MALRD1: variants seen among roughly 807,000 people sequenced by gnomAD.
The protein encoded by MALRD1 is MAM and LDL receptor class A domain containing 1, also known as MAM and LDL-receptor class A domain-containing protein 1.
In MALRD1, 247 loss-of-function variants were observed where a neutral mutation model predicts 242.1. That is an observed-to-expected ratio of 1.02 (90% CI 0.92 to 1.13). MALRD1 has a LOEUF of 1.13. MALRD1 is among the 50% of genes most tolerant of loss of function. MALRD1 has a pLI of 0.00. For missense variants in MALRD1, 2,989 were observed against 2,533.1 expected, an observed-to-expected ratio of 1.18 and a Z score of -3.86; for synonymous variants, 995 against 866.6, an observed-to-expected ratio of 1.15 and a Z score of -2.60.
At chr10:19,170,022 A>G (rs7920021) in intron 13 of MALRD1, among the ~76,000 whole-genome samples, 1 of 152,190 alleles carries the variant, frequency 6.6e-6, no homozygotes, top group Non-Finnish European at 1.5e-5. Flanking sequence ...ATTGTAGACA[A>G]TATAACAGAA....
chr10:19,595,333 C>T lies in MALRD1; in HGVS notation c.5820C>T (p.Leu1940=), dbSNP rs760012790. The change falls in exon 34 of 40, where the codon CTC becomes CTT. Residue 1940 remains leucine (L), a synonymous_variant. Coordinates refer to ENST00000454679, the MANE Select transcript of MALRD1 (RefSeq NM_001142308.3). ...GATCTGATGAAATGGATTGTCCTCT[C>T]AGCCCCACCCCTCCACTCTGTAGTA... ...IDGSDEMDCP[L]SPTPPLCSNM... is the part of the protein sequence containing the mutation. 5.9e-5 allele frequency: 91 copies of T among 1,550,646 alleles called. No homozygotes were observed. The highest frequency in any genetic ancestry group is 7.8e-5 in the Admixed American group (4 of 50,978).
intron 5 of MALRD1, among the ~76,000 whole-genome samples, chr10:19,107,415 A>T (rs1836501849): frequency 1.3e-5 from 2 of 151,894 alleles, no homozygotes; most frequent in Non-Finnish European, 2.9e-5. Flanking sequence ...TTTCAAATTA[A>T]AGTCTATGTT....
chr10:19,189,834 A>G (rs756484523), intron 14 of MALRD1, among the ~76,000 whole-genome samples: 1 of 152,180 alleles, frequency 6.6e-6, no homozygotes, highest in Non-Finnish European at 1.5e-5. Flanking sequence ...AAAGCCATGT[A>G]TGAAAAACTC....
chr10:19,050,487 CCTT>C (rs1168307170), intron 1 of MALRD1, among the ~76,000 whole-genome samples: 2 of 151,978 alleles, frequency 1.3e-5, no homozygotes, highest in Non-Finnish European at 2.9e-5. Flanking sequence ...CCATTGTTTA[CCTT>C]CCATTTATAT....
At chr10:19,559,053 G>A (rs928224365) in intron 32 of MALRD1, among the ~76,000 whole-genome samples, 1 of 151,748 alleles carries the variant, frequency 6.6e-6, no homozygotes, top group Non-Finnish European at 1.5e-5. Flanking sequence ...CATGATGGTG[G>A]GCACCTGTGA....
At chr10:19,213,340 A>G (rs148120867) in intron 18 of MALRD1, among the ~76,000 whole-genome samples, 276 of 152,210 alleles carry the variant, frequency 1.8e-3, no homozygotes, top group African/African-American at 5.9e-3. Flanking sequence ...TTTAATGACT[A>G]ATGTGCTATC....
intron 32 of MALRD1, among the ~76,000 whole-genome samples, chr10:19,544,965 T>A (rs1467876266): frequency 6.6e-6 from 1 of 152,210 alleles, no homozygotes; most frequent in Non-Finnish European, 1.5e-5. Context: ...ATTAGCTTGC[T>A]AGAGTTGCCA....
chr10:19,113,993 G>A (rs1191826079), intron 5 of MALRD1, among the ~76,000 whole-genome samples: 2 of 152,130 alleles, frequency 1.3e-5, no homozygotes, highest in Non-Finnish European at 2.9e-5. Context: ...AAGAACATGT[G>A]CAGTTATTCA....
intron 11 of MALRD1, among the ~76,000 whole-genome samples, chr10:19,146,812 T>C (rs1454415402): frequency 6.6e-6 from 1 of 152,206 alleles, no homozygotes. Context: ...AACAGTCTTA[T>C]TCTTCCACAT....
chr10:19,596,803 G>A (rs1046863969), intron 34 of MALRD1, among the ~76,000 whole-genome samples: 1 of 140,150 alleles, frequency 7.1e-6, no homozygotes, highest in African/African-American at 2.9e-5. Context: ...AGAGGGGAAG[G>A]GAGGAAAGGA....
At chr10:19,436,542 G>A (rs1271161648) in intron 28 of MALRD1, among the ~76,000 whole-genome samples, 1 of 152,078 alleles carries the variant, frequency 6.6e-6, no homozygotes, top group Non-Finnish European at 1.5e-5. Context: ...TTTCAGAATT[G>A]TAGACCTATA....
intron 28 of MALRD1, among the ~76,000 whole-genome samples, chr10:19,434,576 A>T (rs1041031135): frequency 2.9e-4 from 44 of 151,954 alleles, no homozygotes; most frequent in African/African-American, 1.0e-3. Context: ...TGATTTAAAG[A>T]ATTATATATA....
chr10:19,732,958 A>G (rs774715829), intron 39 of MALRD1, among the ~76,000 whole-genome samples: 1 of 152,172 alleles, frequency 6.6e-6, no homozygotes, highest in Non-Finnish European at 1.5e-5. Context: ...TTTTCCTTTC[A>G]TTATGAATGG....
At chr10:19,717,302 C>T (rs1834437055) in intron 38 of MALRD1, among the ~76,000 whole-genome samples, 2 of 152,104 alleles carry the variant, frequency 1.3e-5, no homozygotes, top group Admixed American at 1.3e-4. Context: ...ATAAAAATGA[C>T]TTGTACTAAT....
At chr10:19,052,605 C>A (rs752498619) in intron 1 of MALRD1, among the ~76,000 whole-genome samples, 1 of 152,184 alleles carries the variant, frequency 6.6e-6, no homozygotes, top group Non-Finnish European at 1.5e-5. Context: ...TTCCGTGCAA[C>A]AACAGCCCTC....
chr10:19,661,054 T>C (rs866739428), intron 36 of MALRD1, among the ~76,000 whole-genome samples: 1 of 152,128 alleles, frequency 6.6e-6, no homozygotes, highest in Admixed American at 6.6e-5. Flanking sequence ...TCAGTGGCCA[T>C]CAGAGAAATG....
chr10:19,121,807 A>G (rs1837076868), intron 5 of MALRD1, among the ~76,000 whole-genome samples: 1 of 152,154 alleles, frequency 6.6e-6, no homozygotes. Context: ...GATTTCTCTC[A>G]TTTTCCCAAT....
At chr10:19,081,117 A>G (rs1835477303) in intron 2 of MALRD1, among the ~76,000 whole-genome samples, 1 of 152,154 alleles carries the variant, frequency 6.6e-6, no homozygotes, top group Non-Finnish European at 1.5e-5. Flanking sequence ...AGGAAACAAC[A>G]GATGCTAGCC....
intron 28 of MALRD1, among the ~76,000 whole-genome samples, chr10:19,425,709 G>T (rs747004307): frequency 7.2e-5 from 11 of 152,130 alleles, no homozygotes; most frequent in Non-Finnish European, 1.5e-4. Context: ...AGAGGGAAAA[G>T]AATTCCAGCC....
Sources: gnomAD v4.1 joint callset for allele counts (sites outside exome capture counted in the v4.1 genomes callset) on GRCh38, gnomAD v4.1.1 for gene constraint, MANE v1.5 for transcripts, NCBI Gene and HGNC (gene_info 2026-07-23, HGNC 2026-07-21) for gene names.